The following LRP6 variants were observed in gnomAD, a reference collection of about 807,000 sequenced individuals.
LRP6 encodes the protein LDL receptor related protein 6.
In LRP6, 43 loss-of-function variants were observed where a neutral mutation model predicts 184.1. The observed-to-expected ratio is 0.23, with a 90% CI of 0.18 to 0.30. LRP6 has a LOEUF of 0.30. LRP6 is among the 10% of genes least tolerant of loss of function. The probability of loss-of-function intolerance (pLI) is 1.00; values close to 1 mark genes in which losing one functional copy is unlikely to be tolerated. For missense variants in LRP6, 1,571 were observed against 2,005.3 expected (o/e 0.78, Z 4.14); for synonymous variants, 719 against 684.9 (o/e 1.05, Z -0.78).
chr12:12,142,375 T>C (rs1054910451), intron 15 of LRP6, among the ~76,000 whole-genome samples: 4 of 152,158 alleles, frequency 2.6e-5, no homozygotes, highest in Middle Eastern at 6.3e-3. Context: ...TCTACTTTGA[T>C]GCTGGTGAAA....
intron 2 of LRP6, among the ~76,000 whole-genome samples, chr12:12,231,878 G>T (rs1864798921): frequency 6.6e-6 from 1 of 151,806 alleles, no homozygotes; most frequent in Non-Finnish European, 1.5e-5. Context: ...AGCCGGATGT[G>T]GTGGCACACA....
intron 15 of LRP6, among the ~76,000 whole-genome samples, chr12:12,139,141 G>C (rs1252810668): frequency 1.3e-5 from 2 of 151,936 alleles, no homozygotes; most frequent in Non-Finnish European, 2.9e-5. Context: ...CACTCAAAAA[G>C]AAAAAATATA....
At position 12,150,303 on chromosome 12, in the gene LRP6, A is replaced by G. The variant is rs142717423; in HGVS notation, c.2994+533T>C. Among the ~76,000 whole-genome samples the G allele has an allele frequency of 7.2e-4, 110 of 152,356 alleles. No individual in the cohort carries two copies. The East Asian group carries it at 9.8e-3, about 14-fold the overall frequency. ...ATGACCAAAAAAACCCACTGGATTA[A>G]TAACATGTTAGATGTTTTTAACCCT... is the stretch of plus-strand genomic sequence containing the variant. On this transcript the variant is annotated intron_variant, in intron 13 of 22. Coordinates refer to ENST00000261349, the MANE Select transcript of LRP6 (RefSeq NM_002336.3).
chr12:12,120,824 G>C lies in LRP6; in HGVS notation c.*302C>G, dbSNP rs1400119336. The C allele has an allele frequency of 9.3e-6, 2 of 215,192 alleles. No homozygotes were observed. Among genetic ancestry groups the C allele is most frequent in the Non-Finnish European group, 1.8e-5 (2 of 108,940 alleles). The allele number at this position is 215,192 out of a possible 1,614,324, so 13.3% of individuals were successfully genotyped here. On this transcript the variant is annotated 3_prime_UTR_variant, in exon 23 of 23. Transcript: ENST00000261349. ...ATTATTCCTGTTTCCTTTGTACTCA[G>C]TTGCTTCACTGGGTTTAAGGCATGC...
At chr12:12,228,066 G>GT in intron 2 of LRP6, among the ~76,000 whole-genome samples, 1 of 152,170 alleles carries the variant, frequency 6.6e-6, no homozygotes, top group Non-Finnish European at 1.5e-5. Flanking sequence ...TGTATCCAAG[G>GT]TAAGGATTAA....
chr12:12,194,908 G>C (rs1383209191), intron 3 of LRP6, among the ~76,000 whole-genome samples: 1 of 151,754 alleles, frequency 6.6e-6, no homozygotes, highest in Non-Finnish European at 1.5e-5. Flanking sequence ...CTTTACTTTT[G>C]CAAGATCAAC....
chr12:12,261,971 G>A (rs142093078), intron 1 of LRP6, among the ~76,000 whole-genome samples: 1,983 of 152,258 alleles, frequency 0.013, 43 homozygotes, highest in African/African-American at 0.044. Context: ...GGCCAGGCGC[G>A]GTGGCTCACG....
chr12:12,141,801 A>G (rs1949937821), intron 15 of LRP6, among the ~76,000 whole-genome samples: 1 of 152,354 alleles, frequency 6.6e-6, no homozygotes, highest in South Asian at 2.1e-4. Flanking sequence ...TTTTAGAAAG[A>G]AATGTACCTA....
rs1019452690 is a variant in LRP6 at position 12,216,722 on chromosome 12, C to G, written c.450-13322G>C. Among the ~76,000 whole-genome samples the G allele has an allele frequency of 5.9e-5, 9 of 151,408 alleles. No homozygotes were observed. The East Asian group carries it at 1.5e-3, about 26-fold the overall frequency. On this transcript the variant is annotated intron_variant, in intron 2 of 22. Coordinates refer to ENST00000261349, the MANE Select transcript of LRP6 (RefSeq NM_002336.3). ...TTTTCTCAAGCCCCAATAAAACTAA[C>G]GGATAATCCAAACAGCCTCTTTCCA...
chr12:12,260,116 C>T (rs572284601), intron 1 of LRP6, among the ~76,000 whole-genome samples: 18 of 152,200 alleles, frequency 1.2e-4, no homozygotes, highest in African/African-American at 1.7e-4. Context: ...CGGTGGTTCA[C>T]GCCTGTAATC....
intron 1 of LRP6, among the ~76,000 whole-genome samples, chr12:12,261,133 A>C (rs1267718955): frequency 6.6e-6 from 1 of 152,210 alleles, no homozygotes; most frequent in Non-Finnish European, 1.5e-5. Context: ...TTAAAAATTG[A>C]ATCATGGCCG....
chr12:12,122,386 C>T (rs1045635604), intron 22 of LRP6, among the ~76,000 whole-genome samples: 1 of 152,096 alleles, frequency 6.6e-6, no homozygotes, highest in African/African-American at 2.4e-5. Context: ...AAAGTGACTA[C>T]AAGAGAAGGG....
Position 12,125,381 on chromosome 12 carries a change from C to T in LRP6, c.4364G>A (p.Ser1455Asn), listed in dbSNP as rs916990801. The change falls in exon 21 of 23, where the codon AGC (serine) becomes AAC (asparagine). Residue 1455 changes from serine (S) to asparagine (N), a missense_variant. Ser to Asn is a conservative substitution (Grantham distance 46, BLOSUM62 1). Around this residue, in one of 4 missense-constraint regions of LRP6, gnomAD observed 763 missense variants for 859.5 expected, o/e 0.89. Coordinates refer to ENST00000261349, the MANE Select transcript of LRP6 (RefSeq NM_002336.3). Reference protein sequence around the residue: ...MISSLSIMGGSSGPPYDRAHV... With the variant: ...MISSLSIMGGNSGPPYDRAHV... ...GGCTCGGTCATAGGGGGGTCCACTG[C>T]TTCCCCCCATGATACTGAGGGAGCT... 7.4e-6 allele frequency: 12 copies of T among 1,613,432 alleles called. No homozygotes were observed. In the African/African-American group the frequency reaches 1.3e-4, roughly 18 times the overall value.
At chr12:12,151,901 G>T (rs1327783373) in intron 12 of LRP6, among the ~76,000 whole-genome samples, 1 of 152,028 alleles carries the variant, frequency 6.6e-6, no homozygotes, top group Non-Finnish European at 1.5e-5. Flanking sequence ...GTATTAACAG[G>T]CACTGAAACC....
chr12:12,159,920 C>T lies in LRP6; in HGVS notation c.2324G>A (p.Arg775Lys). The T allele has an allele frequency of 6.2e-7, 1 of 1,613,996 alleles. No homozygotes were observed. Among genetic ancestry groups the T allele is most frequent in the Non-Finnish European group, 8.5e-7 (1 of 1,179,930 alleles). The change falls in exon 11 of 23, where the codon AGA (arginine) becomes AAA (lysine). Residue 775 changes from arginine to lysine, a missense_variant. Arg to Lys is a conservative substitution (Grantham distance 26). This residue lies in a region of LRP6 where 158 missense variants were observed against 258.4 expected (regional missense o/e 0.61). Transcript: ENST00000261349. ...ACGTTCACTTCCATCCATTGCAGCTCTGTCTATCTTAGGTTTTCCACCCCA... is the reference window on the plus strand; with the variant it reads ...ACGTTCACTTCCATCCATTGCAGCTTTGTCTATCTTAGGTTTTCCACCCCA... ...TEWGGKPKID[R>K]AAMDGSERTT... is the part of the protein sequence containing the mutation.
At chr12:12,266,556 A>C in intron 1 of LRP6, 125 bp downstream of exon 1, 46 of 655,022 alleles carry the variant, frequency 7.0e-5, no homozygotes, top group Middle Eastern at 6.6e-4. Flanking sequence ...CCTCCCCACG[A>C]CCAGGCCTCT....
intron 15 of LRP6, among the ~76,000 whole-genome samples, chr12:12,145,410 C>G (rs1390990265): frequency 6.6e-6 from 1 of 151,952 alleles, no homozygotes; most frequent in Non-Finnish European, 1.5e-5. Flanking sequence ...AGTAAGCAGT[C>G]TCAACATTTT....
At chr12:12,177,354 G>A (rs1359805860) in intron 7 of LRP6, among the ~76,000 whole-genome samples, 1 of 152,084 alleles carries the variant, frequency 6.6e-6, no homozygotes, top group Non-Finnish European at 1.5e-5. Flanking sequence ...CTAACAAAAG[G>A]CTAGCAAATA....
At chr12:12,232,217 A>T (rs902773319) in intron 2 of LRP6, among the ~76,000 whole-genome samples, 6 of 151,806 alleles carry the variant, frequency 4.0e-5, no homozygotes, top group Admixed American at 2.0e-4. Context: ...CCCTGTCTCT[A>T]CTAAAAAATA....
Sources: gnomAD v4.1 joint callset for allele counts (sites outside exome capture counted in the v4.1 genomes callset) on GRCh38, gnomAD v4.1.1 for gene constraint, gnomAD v4.1.1 regional missense constraint, MANE v1.5 for transcripts, NCBI Gene and HGNC (gene_info 2026-07-23, HGNC 2026-07-21) for gene names.